Variants in TSBP1 observed in about 807,000 individuals in gnomAD.
TSBP1 encodes testis-expressed basic protein 1.
In TSBP1, 56 loss-of-function variants were observed where a neutral mutation model predicts 68.8. The observed-to-expected ratio is 0.81, with a 90% confidence interval of 0.66 to 1.02. The LOEUF is 1.02. Among genes scored for constraint, TSBP1 ranks in the 50% least tolerant of loss-of-function variants. TSBP1 has a pLI of 0.00. For missense variants in TSBP1, 502 were observed against 641.2 expected (o/e 0.78, Z 2.34); for synonymous variants, 171 against 208.7 (o/e 0.82, Z 1.56).
chr6:32,326,041 A>G lies in TSBP1; in HGVS notation c.515-2427T>C, dbSNP rs1433005382. The G allele has an allele frequency of 3.3e-6, 5 of 1,501,140 alleles. No individual in the cohort carries two copies. The African/African-American group carries it at 5.5e-5, about 16-fold the overall frequency. The allele number at this position is 1,501,140 out of a possible 1,614,324, so 93.0% of individuals were successfully genotyped here. ...CAATCAGTCTTCAAATTTTGGACCC[A>G]TGAAGGGAGGAAACTTTGGAGGCAG... On this transcript the variant is annotated intron_variant, in intron 16 of 22. Coordinates refer to ENST00000612031, the Ensembl canonical transcript of TSBP1.
At chr6:32,352,233 T>C (rs1216810941) in intron 8 of TSBP1, among the ~76,000 whole-genome samples, 1 of 151,964 alleles carries the variant, frequency 6.6e-6, no homozygotes, top group Non-Finnish European at 1.5e-5. Flanking sequence ...ATTGTGAAAA[T>C]AAATAATTAT....
In TSBP1 at chr6:32,340,434, G is replaced by A. The variant is rs1337075212; in HGVS notation, c.350-796C>T. Among the ~76,000 whole-genome samples, 1 of 152,140 alleles carries A rather than the reference G, an allele frequency of 6.6e-6. No individual in the cohort carries two copies. Among genetic ancestry groups the A allele is most frequent in the Non-Finnish European group, 1.5e-5 (1 of 68,022 alleles). ...GAAGAGATGTCTGTTTTTCTATGTG[G>A]TATTTTAGGCCGTCAATCACTGAAC... is the stretch of plus-strand genomic sequence containing the variant. On this transcript the variant is annotated intron_variant, in intron 9 of 22. Coordinates refer to ENST00000612031, the Ensembl canonical transcript of TSBP1. This position sits in a 1 kb window ranked among gnomAD's most constrained non-coding sequence, Gnocchi z 4.8.
intron 19 of TSBP1, among the ~76,000 whole-genome samples, chr6:32,311,046 A>T (rs1766350081): frequency 6.6e-6 from 1 of 151,516 alleles, no homozygotes; most frequent in Non-Finnish European, 1.5e-5. Flanking sequence ...GCTGTTGTTT[A>T]TTTTTTCCAT....
intron 1 of TSBP1, among the ~76,000 whole-genome samples, 170 bp from the exon 2 acceptor site, chr6:32,370,153 C>T (rs754347456): frequency 3.3e-5 from 5 of 151,840 alleles, no homozygotes; most frequent in African/African-American, 7.3e-5. Context: ...CTCACATTCC[C>T]GCCCCTGCCC....
rs1036792052 is a variant in TSBP1, at chr6:32,333,112, G to A, written c.473-1058C>T. ...CAACCTCTGCCTCCTGGGTTCAAGC[G>A]ATTCTCCTGCCTTAGCCTCCTGAGT... On this transcript the variant is annotated intron_variant, in intron 14 of 22. Coordinates refer to ENST00000612031, the Ensembl canonical transcript of TSBP1. The surrounding 1 kb of genome is among the most constrained non-coding windows in gnomAD (Gnocchi z 4.2). 7.2e-5 allele frequency among the ~76,000 whole-genome samples: 11 copies of A among 151,830 alleles called. No homozygotes were observed. The highest frequency in any genetic ancestry group is 1.5e-4 in the African/African-American group (6 of 41,292).
intron 14 of TSBP1, among the ~76,000 whole-genome samples, chr6:32,332,793 AG>A (rs1274925557): frequency 6.6e-6 from 1 of 151,952 alleles, no homozygotes; most frequent in Non-Finnish European, 1.5e-5. Context: ...AAATTTTTGT[AG>A]AGATGGGGTC....
At position 32,315,332 on chromosome 6, in the gene TSBP1, G is replaced by A. The variant is rs902195396; in HGVS notation, c.580+440C>T. Among the ~76,000 whole-genome samples the A allele has an allele frequency of 1.3e-5, 2 of 152,114 alleles. No individual in the cohort carries two copies. The highest frequency in any genetic ancestry group is 6.6e-5 in the Admixed American group (1 of 15,266). ...AAACCCAGCACTTTGGGAGGCCAACGCGGGCGGATCACTTGAGGTCAGGAG... is the reference window on the plus strand; with the variant it reads ...AAACCCAGCACTTTGGGAGGCCAACACGGGCGGATCACTTGAGGTCAGGAG... On this transcript the variant is annotated intron_variant, in intron 19 of 22. Transcript: ENST00000612031. This position sits in a 1 kb window ranked among gnomAD's most constrained non-coding sequence, Gnocchi z 5.4.
At chr6:32,369,373 A>ATT (rs9281761) in intron 2 of TSBP1, among the ~76,000 whole-genome samples, 82,221 of 126,832 alleles carry the variant, frequency 0.65, 27,407 homozygotes, top group East Asian at 0.8. Context: ...AAACTCTGTG[A>ATT]TTTTTTTTTT....
Position 32,343,339 on chromosome 6 carries a change from T to C in TSBP1, c.350-3701A>G, listed in dbSNP as rs114094496. On this transcript the variant is annotated intron_variant, in intron 9 of 22. Coordinates refer to ENST00000612031, the Ensembl canonical transcript of TSBP1. This position sits in a 1 kb window ranked among gnomAD's most constrained non-coding sequence, Gnocchi z 4.3. ...TTCCCAAAAGTCTTCCCAGAAATAG[T>C]GTCCTCCCTCAGGTTATTAGACTTT... The C allele has an allele frequency of 2.4e-6, 2 of 849,134 alleles. No individual in the cohort carries two copies. The highest frequency in any genetic ancestry group is 6.0e-5 in the South Asian group (2 of 33,306). 52.6% of individuals were successfully genotyped at this position (849,134 alleles called of 1,614,324 possible).
Position 32,365,190 on chromosome 6 carries a change from G to A in TSBP1, c.217+977C>T. ...TTCAGGCATGAACTACCACACCCAG[G>A]GTAGATGGGATTTCTAAGATTGTGC... On this transcript the variant is annotated intron_variant, in intron 6 of 22. Coordinates refer to ENST00000612031, the Ensembl canonical transcript of TSBP1. This position sits in a 1 kb window ranked among gnomAD's most constrained non-coding sequence, Gnocchi z 4.3. 2.5e-6 allele frequency: 1 copy of A among 396,350 alleles called. No homozygotes were observed. Among genetic ancestry groups the A allele is most frequent in the South Asian group, 1.9e-5 (1 of 52,178 alleles). 24.6% of individuals were successfully genotyped at this position (396,350 alleles called of 1,614,324 possible).
In TSBP1 at chr6:32,316,247, A is replaced by G; in HGVS notation, c.560-455T>C. 1 of 604,370 alleles carries G rather than the reference A, an allele frequency of 1.7e-6. No individual in the cohort carries two copies. Among genetic ancestry groups the G allele is most frequent in the Non-Finnish European group, 2.9e-6 (1 of 345,090 alleles). The allele number at this position is 604,370 out of a possible 1,614,324, so 37.4% of individuals were successfully genotyped here. ...GAATCCTAGCTTAGTCCCTCTTTTA[A>G]TTAGTGTTTAAAAAGATTCTCTGTA... On this transcript the variant is annotated intron_variant, in intron 18 of 22. Transcript: ENST00000612031. The surrounding 1 kb of genome is among the most constrained non-coding windows in gnomAD (Gnocchi z 4.5).
chr6:32,307,452 A>T (rs1298001439), intron 19 of TSBP1, among the ~76,000 whole-genome samples: 2 of 152,144 alleles, frequency 1.3e-5, no homozygotes, highest in African/African-American at 4.8e-5. Context: ...CTTTGAAATT[A>T]GTTGAGGCTT....
At position 32,336,017 on chromosome 6, in the gene TSBP1, C is replaced by A; in HGVS notation, c.431-85G>T. 1 of 1,106,486 alleles carries A rather than the reference C, an allele frequency of 9.0e-7. No individual in the cohort carries two copies. The allele number at this position is 1,106,486 out of a possible 1,614,324, so 68.5% of individuals were successfully genotyped here. ...AAATTTCCATTTCCCAACACTCGCT[C>A]TAGGGAGTATCATAAATAGAAACAA... On this transcript the variant is annotated intron_variant, in intron 12 of 22. Coordinates refer to ENST00000612031, the Ensembl canonical transcript of TSBP1. The surrounding 1 kb of genome is among the most constrained non-coding windows in gnomAD (Gnocchi z 5.2).
At chr6:32,308,039 C>T (rs909840058) in intron 19 of TSBP1, among the ~76,000 whole-genome samples, 12 of 151,840 alleles carry the variant, frequency 7.9e-5, no homozygotes, top group Admixed American at 3.9e-4. Context: ...CCTCCCAAAG[C>T]GCTGGAATTA....
intron 4 of TSBP1, among the ~76,000 whole-genome samples, chr6:32,367,335 G>C (rs1163981037): frequency 6.6e-6 from 1 of 151,892 alleles, no homozygotes; most frequent in Non-Finnish European, 1.5e-5. Context: ...AGAGAACATT[G>C]AGTGTTGGGG....
intron 15 of TSBP1, among the ~76,000 whole-genome samples, chr6:32,330,856 A>C (rs1768929905): frequency 6.6e-6 from 1 of 152,086 alleles, no homozygotes; most frequent in Admixed American, 6.6e-5. Flanking sequence ...TTTTTAGTAG[A>C]GATGGGGTTT....
chr6:32,311,645 T>C (rs1202286322), intron 19 of TSBP1, among the ~76,000 whole-genome samples: 1 of 152,146 alleles, frequency 6.6e-6, no homozygotes, highest in African/African-American at 2.4e-5. Flanking sequence ...CAAACAACTG[T>C]AAAGGGCAGG....
Position 32,335,845 on chromosome 6 carries a change from G to T in TSBP1, c.451+67C>A. ...CTTGAAATCCCAACATGGAAACCAG[G>T]TAGCGATCCCTAAGATACTGCAGGA... is the stretch of plus-strand genomic sequence containing the variant. On this transcript the variant is annotated intron_variant, in intron 13 of 22. Coordinates refer to ENST00000612031, the Ensembl canonical transcript of TSBP1. This position sits in a 1 kb window ranked among gnomAD's most constrained non-coding sequence, Gnocchi z 5.5. 1 of 1,261,784 alleles carries T rather than the reference G, an allele frequency of 7.9e-7. No individual in the cohort carries two copies. Among genetic ancestry groups the T allele is most frequent in the Non-Finnish European group, 1.2e-6 (1 of 866,676 alleles). The allele number at this position is 1,261,784 out of a possible 1,614,324, so 78.2% of individuals were successfully genotyped here. A position where few individuals can be genotyped will look rare whatever the true frequency, so the allele number is the denominator to read the frequency against.
chr6:32,347,476 C>T (rs78461719), intron 9 of TSBP1, among the ~76,000 whole-genome samples: 10,638 of 149,686 alleles, frequency 0.071, no homozygotes, highest in East Asian at 0.087. Flanking sequence ...TTGCTGTTTC[C>T]GAACAGTCTT....
Sources: gnomAD v4.1 joint callset for allele counts (sites outside exome capture counted in the v4.1 genomes callset) on GRCh38, gnomAD v4.1.1 for gene constraint, Gnocchi (gnomAD v3.1) non-coding constraint, MANE v1.5 for transcripts, NCBI Gene and HGNC (gene_info 2026-07-23, HGNC 2026-07-21) for gene names.